Variants in KCTD8 observed in about 807,000 individuals in gnomAD.
KCTD8 encodes BTB/POZ domain-containing protein KCTD8.
KCTD8 carries 27 observed loss-of-function variants against 31.5 expected under a neutral mutation model. The ratio of observed to expected loss-of-function variants is 0.86; its 90% CI spans 0.63 to 1.18. The LOEUF is 1.18. KCTD8 is among the 50% of genes most tolerant of loss of function. KCTD8 has a pLI of 0.00. For missense variants in KCTD8, 658 were observed against 647.7 expected, an observed-to-expected ratio of 1.02 and a Z score of -0.17; for synonymous variants, 290 against 280.0, an observed-to-expected ratio of 1.04 and a Z score of -0.36.
chr4:44,300,725 T>A (rs1322101403), intron 1 of KCTD8, among the ~76,000 whole-genome samples: 3 of 152,122 alleles, frequency 2.0e-5, no homozygotes, highest in Non-Finnish European at 2.9e-5. Context: ...CTCTTTTTTT[T>A]ATTATTATAC....
intron 1 of KCTD8, among the ~76,000 whole-genome samples, chr4:44,187,654 G>A (rs753210561): frequency 5.8e-4 from 88 of 152,256 alleles, no homozygotes; most frequent in Admixed American, 1.0e-3. Flanking sequence ...GTGAACACAA[G>A]CCTATGCTTG....
intron 1 of KCTD8, among the ~76,000 whole-genome samples, chr4:44,286,632 C>T (rs773950950): frequency 4.6e-5 from 7 of 152,012 alleles, no homozygotes; most frequent in East Asian, 3.9e-4. Context: ...ATAACAGATA[C>T]GTTTAAAGCT....
chr4:44,338,401 C>G (rs1334641270), intron 1 of KCTD8, among the ~76,000 whole-genome samples: 2 of 152,076 alleles, frequency 1.3e-5, no homozygotes, highest in Non-Finnish European at 2.9e-5. Context: ...ACAGGTAAAG[C>G]TTATATCTCT....
chr4:44,291,018 C>A lies in KCTD8; in HGVS notation c.962-115768G>T, dbSNP rs150657238. 2.6e-3 allele frequency among the ~76,000 whole-genome samples: 388 copies of A among 151,916 alleles called. 1 individual carries two copies. The highest frequency in any genetic ancestry group is 8.6e-3 in the African/African-American group (355 of 41,462). ...AAGTCTACACAAAAGATCAATGAAACCTAGAGTTGGTTTTTCAAAAGAATA... is the reference window on the plus strand; with the variant it reads ...AAGTCTACACAAAAGATCAATGAAAACTAGAGTTGGTTTTTCAAAAGAATA... On this transcript the variant is annotated intron_variant, in intron 1 of 1. Transcript: ENST00000360029.
chr4:44,235,332 T>C (rs977191385), intron 1 of KCTD8, among the ~76,000 whole-genome samples: 1 of 150,132 alleles, frequency 6.7e-6, no homozygotes, highest in African/African-American at 2.4e-5. Context: ...GAGATTTAAA[T>C]TGTTACTTGT....
chr4:44,401,289 CAGA>C (rs1307036942), intron 1 of KCTD8, among the ~76,000 whole-genome samples: 1 of 152,074 alleles, frequency 6.6e-6, no homozygotes, highest in East Asian at 1.9e-4. Context: ...CTGACCATAT[CAGA>C]AGACCTGAAT....
chr4:44,294,443 CTA>C (rs1717372215), intron 1 of KCTD8, among the ~76,000 whole-genome samples: 1 of 152,282 alleles, frequency 6.6e-6, no homozygotes, highest in African/African-American at 2.4e-5. Flanking sequence ...AAAAGAATAT[CTA>C]TGCATTTCTC....
intron 1 of KCTD8, among the ~76,000 whole-genome samples, chr4:44,350,927 C>T (rs1435423122): frequency 6.6e-6 from 1 of 152,084 alleles, no homozygotes; most frequent in African/African-American, 2.4e-5. Context: ...ATGAATGCAA[C>T]CACTATTGCA....
At chr4:44,209,988 T>C (rs1341769099) in intron 1 of KCTD8, among the ~76,000 whole-genome samples, 1 of 152,160 alleles carries the variant, frequency 6.6e-6, no homozygotes, top group African/African-American at 2.4e-5. Context: ...AAAGCGGCTG[T>C]TGAGTCTTTG....
At chr4:44,259,613 TGTATA>T (rs1716103675) in intron 1 of KCTD8, among the ~76,000 whole-genome samples, 2 of 152,138 alleles carry the variant, frequency 1.3e-5, no homozygotes, top group African/African-American at 2.4e-5. Flanking sequence ...TCTTATAGTC[TGTATA>T]GTAAAGTAGC....
chr4:44,282,243 C>T (rs781494290), intron 1 of KCTD8, among the ~76,000 whole-genome samples: 11 of 151,942 alleles, frequency 7.2e-5, no homozygotes, highest in Non-Finnish European at 7.4e-5. Context: ...GTCACATGTT[C>T]GTCATTCTCA....
chr4:44,264,967 C>A (rs542327154), intron 1 of KCTD8, among the ~76,000 whole-genome samples: 1 of 152,292 alleles, frequency 6.6e-6, no homozygotes, highest in East Asian at 1.9e-4. Flanking sequence ...GGGCAGGGCA[C>A]AGACAAACAA....
At chr4:44,283,064 AT>A (rs1716946263) in intron 1 of KCTD8, among the ~76,000 whole-genome samples, 1 of 121,428 alleles carries the variant, frequency 8.2e-6, no homozygotes. Flanking sequence ...TATTATTATT[AT>A]TATTATTATT....
intron 1 of KCTD8, among the ~76,000 whole-genome samples, chr4:44,434,931 T>G (rs1721606060): frequency 6.6e-6 from 1 of 151,918 alleles, no homozygotes; most frequent in Non-Finnish European, 1.5e-5. Flanking sequence ...TTATTACAAT[T>G]TACAGGCATT....
chr4:44,356,895 C>A (rs1423788345), intron 1 of KCTD8, among the ~76,000 whole-genome samples: 1 of 152,126 alleles, frequency 6.6e-6, no homozygotes, highest in Non-Finnish European at 1.5e-5. Context: ...ATATTGATGA[C>A]CATCATGCCT....
At chr4:44,368,720 T>C (rs574889519) in intron 1 of KCTD8, among the ~76,000 whole-genome samples, 1 of 152,212 alleles carries the variant, frequency 6.6e-6, no homozygotes, top group East Asian at 1.9e-4. Flanking sequence ...TAAGCCCTAT[T>C]GATTCATCTT....
chr4:44,343,617 A>G (rs1486756283), intron 1 of KCTD8, among the ~76,000 whole-genome samples: 2 of 152,206 alleles, frequency 1.3e-5, no homozygotes, highest in Non-Finnish European at 2.9e-5. Flanking sequence ...ATAAAGTACA[A>G]TAAAGTGAAG....
chr4:44,186,292 C>A (rs1416689308), intron 1 of KCTD8, among the ~76,000 whole-genome samples: 1 of 152,146 alleles, frequency 6.6e-6, no homozygotes, highest in Non-Finnish European at 1.5e-5. Context: ...AGGAGAATTG[C>A]GTCGCCTTAC....
At chr4:44,418,079 G>T (rs1280588259) in intron 1 of KCTD8, among the ~76,000 whole-genome samples, 2 of 152,126 alleles carry the variant, frequency 1.3e-5, no homozygotes, top group East Asian at 3.9e-4. Flanking sequence ...CTATAATACA[G>T]ATCCTTTCCA....
Sources: allele counts gnomAD v4.1 joint callset (sites outside exome capture counted in the v4.1 genomes callset), GRCh38; gene constraint gnomAD v4.1.1; transcripts MANE v1.5; gene names NCBI Gene and HGNC (gene_info 2026-07-23, HGNC 2026-07-21).